The following TGFB2 variants were observed in gnomAD, a reference collection of about 807,000 sequenced individuals.
The protein encoded by TGFB2 is transforming growth factor beta-2 proprotein.
Under a neutral mutation model 42.7 loss-of-function variants are expected in TGFB2, and 13 were observed. The observed-to-expected ratio is 0.30, with a 90% confidence interval of 0.20 to 0.48. The LOEUF (loss-of-function observed/expected upper bound fraction) is 0.48. TGFB2 is among the 20% of genes least tolerant of loss of function. The pLI is 0.99. For synonymous variants in TGFB2, 193 were observed against 193.6 expected (o/e 1.00, Z 0.03); for missense variants, 390 against 517.5 (o/e 0.75, Z 2.39).
chr1:218,356,903 A>C (rs938759388), intron 1 of TGFB2, among the ~76,000 whole-genome samples: 6 of 152,230 alleles, frequency 3.9e-5, no homozygotes, highest in Non-Finnish European at 7.3e-5. Context: ...ATAGTATGAC[A>C]TTACGGTGTA....
At chr1:218,390,728 A>G (rs1658293505) in intron 1 of TGFB2, among the ~76,000 whole-genome samples, 1 of 152,168 alleles carries the variant, frequency 6.6e-6, no homozygotes, top group Admixed American at 6.5e-5. Flanking sequence ...TTAGCACCCA[A>G]ATGAACATGA....
chr1:218,441,111 T>C, intron 6 of TGFB2, 93 bp from the exon 7 acceptor site: 1 of 1,268,180 alleles, frequency 7.9e-7, no homozygotes, highest in Non-Finnish European at 1.1e-6. Context: ...CTCAGTGCTG[T>C]GACTGCTAAC....
rs886045988 is a variant in TGFB2, at chr1:218,443,451, A to C, written c.*2089A>C. On this transcript the variant is annotated 3_prime_UTR_variant, in exon 7 of 7. Transcript: ENST00000366930. Reference sequence around the variant, plus strand: ...CCATTAATTAAAGAATTGGATTTGCAAGTTTGAAAACTGGAAAAGCAAGAG... The same window carrying C: ...CCATTAATTAAAGAATTGGATTTGCCAGTTTGAAAACTGGAAAAGCAAGAG... The C allele has an allele frequency of 3.3e-5, 5 of 152,174 alleles. No homozygotes were observed. The highest frequency in any genetic ancestry group is 3.3e-4 in the Admixed American group (5 of 15,268). 9.4% of individuals were successfully genotyped at this position (152,174 alleles called of 1,614,324 possible).
chr1:218,349,654 A>G (rs1656805981), intron 1 of TGFB2, among the ~76,000 whole-genome samples: 1 of 152,248 alleles, frequency 6.6e-6, no homozygotes, highest in Non-Finnish European at 1.5e-5. Context: ...GCTATATATC[A>G]TTACAGATTG....
At chr1:218,354,901 G>A (rs957277456) in intron 1 of TGFB2, among the ~76,000 whole-genome samples, 2 of 152,108 alleles carry the variant, frequency 1.3e-5, no homozygotes, top group Non-Finnish European at 2.9e-5. Context: ...GACTTTGGTT[G>A]TTTCTGTTTG....
intron 1 of TGFB2, among the ~76,000 whole-genome samples, chr1:218,378,402 C>T (rs528373814): frequency 6.6e-6 from 1 of 152,080 alleles, no homozygotes; most frequent in Non-Finnish European, 1.5e-5. Flanking sequence ...GTTTCGAAGT[C>T]CTGACCTCAG....
At position 218,436,029 on chromosome 1, in the gene TGFB2, A is replaced by G. The variant is rs1187360350; in HGVS notation, c.814A>G (p.Lys272Glu). The G allele has an allele frequency of 1.2e-6, 2 of 1,613,728 alleles. No homozygotes were observed. The highest frequency in any genetic ancestry group is 1.7e-5 in the Admixed American group (1 of 59,996). ...TCAGAAAACTATAAAGTCCACTAGG[A>G]AAAAAAACAGTGGGAAGACCCCACA... ...GDQKTIKSTR[K>E]KNSGKTPHLL... Residue 272 changes from lysine to glutamate, a missense_variant, in exon 5 of 7, where the codon AAA (lysine) becomes GAA (glutamate). Coordinates refer to ENST00000366930, the MANE Select transcript of TGFB2 (RefSeq NM_003238.6).
At chr1:218,375,939 G>A (rs954971118) in intron 1 of TGFB2, among the ~76,000 whole-genome samples, 9 of 152,010 alleles carry the variant, frequency 5.9e-5, no homozygotes, top group African/African-American at 2.2e-4. Flanking sequence ...AAAAAATATG[G>A]GATATCTATA....
rs79980454 is a variant in TGFB2 at position 218,442,355 on chromosome 1, A to G, written c.*993A>G. On this transcript the variant is annotated 3_prime_UTR_variant, in exon 7 of 7. Transcript: ENST00000366930. ...ATGGATATAGAAGCCAGCATAATTG[A>G]AAACACATCTGCAGATCTCTTTTGC... 5 of 152,294 alleles carry G rather than the reference A, an allele frequency of 3.3e-5. No individual in the cohort carries two copies. In the East Asian group the frequency reaches 9.6e-4, roughly 29 times the overall value. 9.4% of individuals were successfully genotyped at this position (152,294 alleles called of 1,614,324 possible).
chr1:218,409,230 A>G (rs1294754348), intron 2 of TGFB2, among the ~76,000 whole-genome samples: 1 of 152,244 alleles, frequency 6.6e-6, no homozygotes, highest in Non-Finnish European at 1.5e-5. Flanking sequence ...ATGGACCTGT[A>G]CCGTCCAGGT....
At chr1:218,363,320 T>A (rs1406593276) in intron 1 of TGFB2, 1 of 1,613,086 alleles carries the variant, frequency 6.2e-7, no homozygotes, top group Admixed American at 1.7e-5. Context: ...GACTGTGCTT[T>A]TTAAAACTCC....
intron 1 of TGFB2, among the ~76,000 whole-genome samples, chr1:218,348,879 A>C (rs1047428222): frequency 6.6e-6 from 1 of 152,206 alleles, no homozygotes; most frequent in African/African-American, 2.4e-5. Context: ...TATAACACAG[A>C]AAGGAGCTCT....
intron 2 of TGFB2, among the ~76,000 whole-genome samples, chr1:218,429,043 C>T (rs912818841): frequency 5.5e-5 from 8 of 144,944 alleles, no homozygotes; most frequent in Admixed American, 3.6e-4. Flanking sequence ...TGCAGTGGCA[C>T]GATCTCAGCT....
rs780473012 is a variant in TGFB2, at chr1:218,347,073, C to G, written c.346+26C>G. 1.0e-5 allele frequency: 16 copies of G among 1,548,040 alleles called. No homozygotes were observed. In the South Asian group the frequency reaches 1.9e-4, roughly 18 times the overall value. ...GTAAGTACTTATTTTGACTTCCATC[C>G]CCTGAGGTTTAGCTCTGCCCGGAGC... On this transcript the variant is annotated intron_variant, in intron 1 of 6. Transcript: ENST00000366930.
At chr1:218,408,100 T>C (rs1460953873) in intron 2 of TGFB2, among the ~76,000 whole-genome samples, 1 of 152,210 alleles carries the variant, frequency 6.6e-6, no homozygotes, top group South Asian at 2.1e-4. Flanking sequence ...TTTAGTTACA[T>C]GGCTTCAGTA....
rs1194123027 is a variant in TGFB2, at chr1:218,429,886, GA to G, written c.511-4189del. Among the ~76,000 whole-genome samples, 5 of 151,958 alleles carry G rather than the reference GA, an allele frequency of 3.3e-5. No homozygotes were observed. In the East Asian group the frequency reaches 7.7e-4, roughly 23 times the overall value. On this transcript the variant is annotated intron_variant, in intron 2 of 6. Transcript: ENST00000366930. The stretch of plus-strand genomic sequence containing the variant: ...TGTATATCATTTCATGCTTTCTAGG[GA>G]AAAAAAGAAATGTATAAAATTGATA...
rs138281882 is a variant in TGFB2 at position 218,420,478 on chromosome 1, A to T, written c.511-13604A>T. On this transcript the variant is annotated intron_variant, in intron 2 of 6. Coordinates refer to ENST00000366930, the MANE Select transcript of TGFB2 (RefSeq NM_003238.6). ...ACACAAAGGACTCCTTCATCCCTTC[A>T]ACCTGGAGAAATGGATTTACTTGTT... 8.3e-4 allele frequency among the ~76,000 whole-genome samples: 126 copies of T among 152,218 alleles called. 1 individual carries two copies. In the East Asian group the frequency reaches 0.01, roughly 12 times the overall value.
Position 218,346,546 on chromosome 1 carries a change from G to A in TGFB2, c.-156G>A, listed in dbSNP as rs912207964. The A allele has an allele frequency of 1.6e-6, 1 of 610,114 alleles. No homozygotes were observed. The highest frequency in any genetic ancestry group is 2.7e-6 in the Non-Finnish European group (1 of 365,130). The allele number at this position is 610,114 out of a possible 1,614,324, so 37.8% of individuals were successfully genotyped here. A position where few individuals can be genotyped will look rare whatever the true frequency, so the allele number is the denominator to read the frequency against. ...GAATTCAAGCAGGATACGTTTTTCT[G>A]TTGGGCATTGACTAGATTGTTTGCA... On this transcript the variant is annotated 5_prime_UTR_variant, in exon 1 of 7. Transcript: ENST00000366930. This position sits in a 1 kb window ranked among gnomAD's most constrained non-coding sequence, Gnocchi z 4.9.
At chr1:218,435,784 G>T (rs1234918233) in intron 4 of TGFB2, among the ~76,000 whole-genome samples, 186 bp from the exon 5 acceptor site, 1 of 152,204 alleles carries the variant, frequency 6.6e-6, no homozygotes, top group Non-Finnish European at 1.5e-5. Flanking sequence ...AGTGTTAATT[G>T]TCACGTGGGT....
Sources: gnomAD v4.1 joint callset for allele counts (sites outside exome capture counted in the v4.1 genomes callset) on GRCh38, gnomAD v4.1.1 for gene constraint, Gnocchi (gnomAD v3.1) non-coding constraint, MANE v1.5 for transcripts, NCBI Gene and HGNC (gene_info 2026-07-23, HGNC 2026-07-21) for gene names.